The following JAZF1 variants were observed in gnomAD, a reference collection of about 807,000 sequenced individuals.
JAZF1 encodes juxtaposed with another zinc finger protein 1.
In JAZF1, 8 loss-of-function variants were observed where a neutral mutation model predicts 26.4. That is an observed-to-expected ratio of 0.30 (90% confidence interval 0.18 to 0.55). JAZF1 has a LOEUF of 0.55. Among genes scored for constraint, JAZF1 ranks in the 20% least tolerant of loss-of-function variants. The probability of loss-of-function intolerance (pLI) is 0.94; values close to 1 mark genes in which losing one functional copy is unlikely to be tolerated. For synonymous variants in JAZF1, 126 were observed against 122.3 expected, an observed-to-expected ratio of 1.03 and a Z score of -0.20; for missense variants, 199 against 322.0, an observed-to-expected ratio of 0.62 and a Z score of 2.92.
At chr7:28,042,188 C>T (rs1021929067) in intron 1 of JAZF1, among the ~76,000 whole-genome samples, 1 of 152,162 alleles carries the variant, frequency 6.6e-6, no homozygotes, top group African/African-American at 2.4e-5. Context: ...GAGATGGAGC[C>T]AACTGTGACA....
chr7:28,111,561 T>G (rs1784661709), intron 1 of JAZF1, among the ~76,000 whole-genome samples: 1 of 152,252 alleles, frequency 6.6e-6, no homozygotes, highest in Non-Finnish European at 1.5e-5. Context: ...ACAATGCTTC[T>G]TTGAGGAGGT....
At chr7:27,953,506 C>T (rs1785043797) in intron 2 of JAZF1, among the ~76,000 whole-genome samples, 1 of 152,168 alleles carries the variant, frequency 6.6e-6, no homozygotes, top group Non-Finnish European at 1.5e-5. Flanking sequence ...GCAAGCTCAG[C>T]TTTGAGAGGA....
At chr7:27,886,311 T>C (rs1015888094) in intron 3 of JAZF1, among the ~76,000 whole-genome samples, 1 of 152,206 alleles carries the variant, frequency 6.6e-6, no homozygotes, top group Non-Finnish European at 1.5e-5. Context: ...CAAGGACTCT[T>C]AGCACTTTAC....
intron 2 of JAZF1, among the ~76,000 whole-genome samples, chr7:27,971,077 G>C (rs1375542168): frequency 1.3e-5 from 2 of 152,184 alleles, no homozygotes; most frequent in African/African-American, 2.4e-5. Context: ...AAAACAATGA[G>C]AGAAGGGAAT....
chr7:27,978,990 T>C (rs1785526204), intron 2 of JAZF1, among the ~76,000 whole-genome samples: 1 of 152,076 alleles, frequency 6.6e-6, no homozygotes, highest in African/African-American at 2.4e-5. Flanking sequence ...GGAATTACTG[T>C]TCTATGAAAC....
At chr7:28,152,757 G>T (rs1436319555) in intron 1 of JAZF1, among the ~76,000 whole-genome samples, 1 of 152,168 alleles carries the variant, frequency 6.6e-6, no homozygotes. Context: ...ATGCAGAGGC[G>T]AAATTCAGCT....
intron 2 of JAZF1, among the ~76,000 whole-genome samples, chr7:27,979,678 C>T (rs374554328): frequency 6.6e-6 from 1 of 152,118 alleles, no homozygotes; most frequent in Non-Finnish European, 1.5e-5. Flanking sequence ...TTCTCAGTAA[C>T]CTTTTTATGG....
At chr7:28,179,847 C>A (rs1172869332) in intron 1 of JAZF1, among the ~76,000 whole-genome samples, 1 of 146,744 alleles carries the variant, frequency 6.8e-6, no homozygotes, top group South Asian at 2.1e-4. Flanking sequence ...CCGGCGCTGA[C>A]AGGACGCAGT....
chr7:27,938,615 G>A (rs549528722), intron 2 of JAZF1, among the ~76,000 whole-genome samples: 1 of 152,258 alleles, frequency 6.6e-6, no homozygotes, highest in South Asian at 2.1e-4. Context: ...GCTTCAAATG[G>A]TGCCTGGTAA....
intron 1 of JAZF1, among the ~76,000 whole-genome samples, chr7:28,086,029 T>C (rs999730835): frequency 5.3e-5 from 8 of 152,242 alleles, no homozygotes; most frequent in Non-Finnish European, 1.2e-4. Flanking sequence ...GAATTCTATG[T>C]ATCCATATGC....
At chr7:27,946,612 G>A (rs1784927830) in intron 2 of JAZF1, among the ~76,000 whole-genome samples, 1 of 152,194 alleles carries the variant, frequency 6.6e-6, no homozygotes, top group South Asian at 2.1e-4. Context: ...CCCTAATAGA[G>A]CAGAACTGTC....
chr7:27,898,286 C>CATATAT (rs10638646), intron 2 of JAZF1, among the ~76,000 whole-genome samples: 3,021 of 99,482 alleles, frequency 0.03, 79 homozygotes, highest in African/African-American at 0.057. Context: ...ACGTCTAACT[C>CATATAT]ATATATATAT....
At chr7:27,876,402 T>C (rs1394078481) in intron 3 of JAZF1, among the ~76,000 whole-genome samples, 3 of 152,176 alleles carry the variant, frequency 2.0e-5, no homozygotes, top group African/African-American at 4.8e-5. Context: ...GAGCATCTGA[T>C]AGGACCTCGA....
At chr7:27,886,579 C>T (rs894631562) in intron 3 of JAZF1, among the ~76,000 whole-genome samples, 6 of 152,158 alleles carry the variant, frequency 3.9e-5, no homozygotes, top group East Asian at 1.9e-4. Flanking sequence ...ATTGAAACAG[C>T]GTAGAATGAC....
chr7:27,977,419 G>A (rs568117663), intron 2 of JAZF1, among the ~76,000 whole-genome samples: 2 of 152,204 alleles, frequency 1.3e-5, no homozygotes, highest in East Asian at 3.9e-4. Context: ...GGATCATTGG[G>A]GTGCTTTTAG....
At chr7:28,058,846 C>G (rs565535034) in intron 1 of JAZF1, among the ~76,000 whole-genome samples, 244 of 152,222 alleles carry the variant, frequency 1.6e-3, no homozygotes, top group Non-Finnish European at 2.2e-3. Context: ...TCAATTTTCT[C>G]AAGTATTTTA....
intron 1 of JAZF1, among the ~76,000 whole-genome samples, chr7:28,123,930 G>A (rs931602766): frequency 6.6e-6 from 1 of 152,152 alleles, no homozygotes; most frequent in African/African-American, 2.4e-5. Context: ...TGGCTCTTCT[G>A]TTGATGTTTC....
intron 1 of JAZF1, among the ~76,000 whole-genome samples, chr7:28,123,497 A>C (rs1388027503): frequency 6.6e-6 from 1 of 152,226 alleles, no homozygotes; most frequent in Non-Finnish European, 1.5e-5. Flanking sequence ...TTGCAACCCC[A>C]GTGACCAGCA....
chr7:27,981,439 C>A (rs1785583151), intron 2 of JAZF1, among the ~76,000 whole-genome samples: 2 of 152,148 alleles, frequency 1.3e-5, no homozygotes, highest in African/African-American at 4.8e-5. Context: ...CTATAAAGAA[C>A]ATGTTTAGAC....
Sources: allele counts gnomAD v4.1 joint callset (sites outside exome capture counted in the v4.1 genomes callset), GRCh38; gene constraint gnomAD v4.1.1; transcripts MANE v1.5; gene names NCBI Gene and HGNC (gene_info 2026-07-23, HGNC 2026-07-21).